Variants in ATOSA observed in about 807,000 individuals in gnomAD.
ATOSA encodes atos homolog protein A.
the ATOSA span, chr15:52,652,131 T>G: frequency 4.7e-6 from 6 of 1,285,012 alleles, no homozygotes; most frequent in Non-Finnish European, 6.1e-6. Flanking sequence ...CCTCCCCTGC[T>G]CGCTAGGTCC....
chr15:52,650,046 A>C, the ATOSA span, among the ~76,000 whole-genome samples: 1 of 152,358 alleles, frequency 6.6e-6, no homozygotes, highest in East Asian at 1.9e-4. Context: ...TAAAATGGGT[A>C]GCAAATCAAT....
chr15:52,618,490 G>A, the ATOSA span, among the ~76,000 whole-genome samples: 4 of 152,128 alleles, frequency 2.6e-5, no homozygotes, highest in Non-Finnish European at 4.4e-5. Context: ...TACAAAGTGG[G>A]GAAGAGGGTG....
chr15:52,598,626 T>A, the ATOSA span: 1 of 152,194 alleles, frequency 6.6e-6, no homozygotes, highest in African/African-American at 2.4e-5. Flanking sequence ...GACCTATGGG[T>A]TGGATAGTCT....
At chr15:52,608,664 T>G in the ATOSA span, 1 of 1,612,338 alleles carries the variant, frequency 6.2e-7, no homozygotes. Flanking sequence ...TAGTTGGATC[T>G]TCTTGCTTAT....
chr15:52,584,352 G>A, the ATOSA span, among the ~76,000 whole-genome samples: 4 of 151,862 alleles, frequency 2.6e-5, no homozygotes, highest in African/African-American at 9.7e-5. Context: ...ATGTTGGCCA[G>A]GTTGGTCTCA....
the ATOSA span, chr15:52,608,495 G>T: frequency 1.4e-6 from 2 of 1,453,752 alleles, no homozygotes; most frequent in Non-Finnish European, 9.2e-7. Context: ...TTTATAACCA[G>T]ATCTCCTGTG....
the ATOSA span, chr15:52,584,844 G>A: frequency 6.2e-7 from 1 of 1,613,396 alleles, no homozygotes. Flanking sequence ...TACAGAAAAA[G>A]TTCTTTGTCG....
At chr15:52,657,479 C>T in the ATOSA span, 11 of 152,270 alleles carry the variant, frequency 7.2e-5, no homozygotes, top group Admixed American at 5.9e-4. Flanking sequence ...TTGGCTACCT[C>T]AAACTCTAGC....
At chr15:52,630,290 G>T in the ATOSA span, among the ~76,000 whole-genome samples, 1 of 152,096 alleles carries the variant, frequency 6.6e-6, no homozygotes. Flanking sequence ...CATTACGAAG[G>T]TTCCTATGGA....
the ATOSA span, among the ~76,000 whole-genome samples, chr15:52,616,710 C>T: frequency 2.0e-5 from 3 of 152,102 alleles, no homozygotes; most frequent in Non-Finnish European, 4.4e-5. Context: ...GGTTTGTCCC[C>T]GTCTGCTATG....
the ATOSA span, among the ~76,000 whole-genome samples, chr15:52,619,676 T>C: frequency 6.6e-6 from 1 of 151,672 alleles, no homozygotes; most frequent in Non-Finnish European, 1.5e-5. Context: ...CTACTAAAAA[T>C]ACAAAAATCA....
At chr15:52,609,687 G>C in the ATOSA span, 63 of 1,613,654 alleles carry the variant, frequency 3.9e-5, no homozygotes, top group Non-Finnish European at 5.3e-5. Context: ...GTGAAACCCG[G>C]AAAAGTTTTG....
At chr15:52,614,002 C>G in the ATOSA span, 3 of 766,764 alleles carry the variant, frequency 3.9e-6, no homozygotes, top group Admixed American at 4.1e-5. Context: ...TCAAAATATA[C>G]TAAACTTTTG....
chr15:52,596,982 A>G, the ATOSA span, among the ~76,000 whole-genome samples: 3 of 152,378 alleles, frequency 2.0e-5, no homozygotes, highest in Middle Eastern at 3.4e-3. Flanking sequence ...CATCAGGGAA[A>G]TACAAATTAA....
the ATOSA span, chr15:52,656,972 A>G: frequency 2.6e-4 from 40 of 152,134 alleles, no homozygotes; most frequent in Admixed American, 1.3e-4. Context: ...AAAACCAATC[A>G]CACATTTTTT....
the ATOSA span, among the ~76,000 whole-genome samples, chr15:52,676,712 T>C: frequency 6.6e-6 from 1 of 152,236 alleles, no homozygotes; most frequent in Non-Finnish European, 1.5e-5. Context: ...ACTAAACATT[T>C]TATTGTGTTT....
the ATOSA span, chr15:52,586,116 A>T: frequency 6.6e-6 from 1 of 152,306 alleles, no homozygotes; most frequent in South Asian, 2.1e-4. Context: ...CTTTCCACTG[A>T]CCCACACTTT....
the ATOSA span, chr15:52,609,171 T>C: frequency 6.2e-7 from 1 of 1,613,544 alleles, no homozygotes. Flanking sequence ...GATTTCTTGT[T>C]TGATGTTTCA....
At chr15:52,672,172 C>CAAGAAAAAA in the ATOSA span, among the ~76,000 whole-genome samples, 1 of 62,552 alleles carries the variant, frequency 1.6e-5, no homozygotes, top group African/African-American at 6.9e-5. Flanking sequence ...CCCCATTTCT[C>CAAGAAAAAA]AAAAAAAAAA....
Sources: gnomAD v4.1 joint callset for allele counts (sites outside exome capture counted in the v4.1 genomes callset) on GRCh38, gnomAD v4.1.1 for gene constraint, MANE v1.5 for transcripts, NCBI Gene and HGNC (gene_info 2026-07-23, HGNC 2026-07-21) for gene names.